Variants in MICU2 observed in about 807,000 individuals in gnomAD.
MICU2 encodes calcium uptake protein 2, mitochondrial.
In MICU2, 64 loss-of-function variants were observed where a neutral mutation model predicts 60.4. That is an observed-to-expected ratio of 1.06 (90% CI 0.87 to 1.31). The LOEUF (loss-of-function observed/expected upper bound fraction) is 1.31, where lower values mean the gene tolerates loss of function less well. Ranked by LOEUF, MICU2 falls within the 50% of genes most tolerant of loss-of-function variation. MICU2 has a pLI of 0.00. For synonymous variants in MICU2, 201 were observed against 175.0 expected (o/e 1.15, Z -1.17); for missense variants, 569 against 531.0 (o/e 1.07, Z -0.70).
At chr13:21,507,827 ACTC>A (rs1021609829) in intron 8 of MICU2, among the ~76,000 whole-genome samples, 53 of 148,954 alleles carry the variant, frequency 3.6e-4, no homozygotes, top group Admixed American at 6.7e-4. Context: ...TGGTCTAAAA[ACTC>A]CTGACCTCGT....
At chr13:21,574,118 A>G (rs1002482895) in intron 1 of MICU2, among the ~76,000 whole-genome samples, 5 of 152,212 alleles carry the variant, frequency 3.3e-5, no homozygotes, top group African/African-American at 1.2e-4. Context: ...TATGGAATGC[A>G]GTGGTGGAGA....
chr13:21,583,118 G>A (rs560719762), intron 1 of MICU2, among the ~76,000 whole-genome samples: 121 of 152,248 alleles, frequency 7.9e-4, no homozygotes, highest in Non-Finnish European at 1.3e-3. Flanking sequence ...AAAAGGCTGG[G>A]CTAGCTCATG....
chr13:21,501,859 G>A (rs970433770), intron 9 of MICU2, among the ~76,000 whole-genome samples: 1 of 152,178 alleles, frequency 6.6e-6, no homozygotes, highest in Non-Finnish European at 1.5e-5. Context: ...GCCTCAGAGA[G>A]TCTAGACCTC....
chr13:21,589,786 TAG>T (rs1888539029), intron 1 of MICU2, among the ~76,000 whole-genome samples: 3 of 151,634 alleles, frequency 2.0e-5, no homozygotes, highest in Admixed American at 2.0e-4. Context: ...ACTCACCCCG[TAG>T]TGCACTCTCT....
intron 5 of MICU2, 68 bp from the exon 6 acceptor site, chr13:21,521,395 C>A: frequency 7.7e-7 from 1 of 1,306,428 alleles, no homozygotes; most frequent in South Asian, 1.3e-5. Flanking sequence ...ATAGATAGGT[C>A]TTCAAATTTG....
Position 21,539,701 on chromosome 13 carries a change from A to G in MICU2, c.359-13T>C, listed in dbSNP as rs756430115. On this transcript the variant is annotated splice_polypyrimidine_tract_variant and intron_variant, in intron 2 of 11. Transcript: ENST00000382374. The stretch of plus-strand genomic sequence containing the variant: ...ACTGAAGTTTTACCTACAACAAATA[A>G]GAAACATTATTTAGTATCCATATTC... 2 of 1,613,344 alleles carry G rather than the reference A, an allele frequency of 1.2e-6. No homozygotes were observed. The highest frequency in any genetic ancestry group is 4.5e-5 in the East Asian group (2 of 44,874).
chr13:21,495,353 G>C (rs1158819424), intron 10 of MICU2, 35 bp from the exon 11 acceptor site: 8 of 1,496,502 alleles, frequency 5.3e-6, no homozygotes, highest in Non-Finnish European at 7.2e-6. Flanking sequence ...TATCAACTAT[G>C]TGAAATAGTC....
intron 8 of MICU2, among the ~76,000 whole-genome samples, chr13:21,508,132 T>G (rs909932797): frequency 6.6e-6 from 1 of 150,684 alleles, no homozygotes; most frequent in Non-Finnish European, 1.5e-5. Context: ...TTCTTTCTTT[T>G]TTTTTTTTTT....
chr13:21,531,430 G>A, intron 4 of MICU2: 1 of 725,154 alleles, frequency 1.4e-6, no homozygotes, highest in Non-Finnish European at 2.4e-6. Flanking sequence ...GTGTCAAAGT[G>A]CATCACACAG....
Position 21,566,847 on chromosome 13 carries a change from T to C in MICU2, c.308A>G (p.Tyr103Cys). The C allele has an allele frequency of 1.9e-6, 3 of 1,612,460 alleles. No individual in the cohort carries two copies. Among genetic ancestry groups the C allele is most frequent in the Non-Finnish European group, 2.5e-6 (3 of 1,179,414 alleles). Residue 103 changes from tyrosine to cysteine, a missense_variant, in exon 2 of 12, where the codon TAT becomes TGT. Coordinates refer to ENST00000382374, the MANE Select transcript of MICU2 (RefSeq NM_152726.3). Reference protein sequence around the residue: ...FSSLEHEGEYYMTPRDFLFSV... With the variant: ...FSSLEHEGEYCMTPRDFLFSV... Reference sequence around the variant, plus strand: ...GAAGAGGAAGTCTCGTGGTGTCATATAATATTCTCCTTCATGTTCGAGTGA... The same window carrying C: ...GAAGAGGAAGTCTCGTGGTGTCATACAATATTCTCCTTCATGTTCGAGTGA...
intron 2 of MICU2, among the ~76,000 whole-genome samples, chr13:21,560,669 C>T (rs973915110): frequency 6.6e-6 from 1 of 152,088 alleles, no homozygotes; most frequent in African/African-American, 2.4e-5. Context: ...TGTGAGCACA[C>T]ATTTACCTAC....
chr13:21,574,923 A>G (rs1329361112), intron 1 of MICU2, among the ~76,000 whole-genome samples: 1 of 152,244 alleles, frequency 6.6e-6, no homozygotes. Flanking sequence ...ATACTGCCAG[A>G]CTAAATTAAA....
intron 1 of MICU2, among the ~76,000 whole-genome samples, chr13:21,590,669 A>C (rs1292446319): frequency 6.6e-6 from 1 of 152,192 alleles, no homozygotes; most frequent in African/African-American, 2.4e-5. Context: ...CGTGGCCAAC[A>C]TGGTGAAACC....
At chr13:21,523,563 G>T (rs1412847000) in intron 4 of MICU2, among the ~76,000 whole-genome samples, 1 of 152,206 alleles carries the variant, frequency 6.6e-6, no homozygotes, top group East Asian at 1.9e-4. Context: ...TTCTTTGTCA[G>T]TCTCAAATAT....
intron 1 of MICU2, among the ~76,000 whole-genome samples, chr13:21,569,415 T>C (rs1888056161): frequency 6.6e-6 from 1 of 152,008 alleles, no homozygotes; most frequent in Non-Finnish European, 1.5e-5. Flanking sequence ...GCTTATAGAG[T>C]ACAAAACTAT....
intron 4 of MICU2, chr13:21,531,062 T>C: frequency 1.0e-6 from 1 of 998,230 alleles, no homozygotes; most frequent in Non-Finnish European, 1.6e-6. Flanking sequence ...TTTCCAAATA[T>C]CCTAATCTGT....
intron 4 of MICU2, among the ~76,000 whole-genome samples, chr13:21,533,063 T>A (rs1887041758): frequency 6.6e-6 from 1 of 152,150 alleles, no homozygotes; most frequent in South Asian, 2.1e-4. Context: ...CATGGGCTTA[T>A]GTTGTACAGA....
At chr13:21,573,155 G>A (rs778398213) in intron 1 of MICU2, among the ~76,000 whole-genome samples, 5 of 152,204 alleles carry the variant, frequency 3.3e-5, no homozygotes, top group Non-Finnish European at 5.9e-5. Context: ...GAGTGGAGAC[G>A]TAGTCTTTCA....
chr13:21,572,597 A>T (rs935410346), intron 1 of MICU2, among the ~76,000 whole-genome samples: 1 of 152,204 alleles, frequency 6.6e-6, no homozygotes, highest in Admixed American at 6.5e-5. Flanking sequence ...TATAATTGGC[A>T]TGTCCTTGTT....
Sources: gnomAD v4.1 joint callset for allele counts (sites outside exome capture counted in the v4.1 genomes callset) on GRCh38, gnomAD v4.1.1 for gene constraint, MANE v1.5 for transcripts, NCBI Gene and HGNC (gene_info 2026-07-23, HGNC 2026-07-21) for gene names.